The following COL24A1 variants were observed in gnomAD, a reference collection of about 807,000 sequenced individuals.
The protein encoded by COL24A1 is collagen type XXIV alpha 1 chain, also known as collagen alpha-1(XXIV) chain.
Under a neutral mutation model 253.9 loss-of-function variants are expected in COL24A1, and 224 were observed. The observed-to-expected ratio is 0.88, with a 90% CI of 0.79 to 0.99. COL24A1 has a LOEUF of 0.99. Among genes scored for constraint, COL24A1 ranks in the 50% least tolerant of loss-of-function variants. COL24A1 has a pLI of 0.00. For synonymous variants in COL24A1, 685 were observed against 673.7 expected (o/e 1.02, Z -0.26); for missense variants, 2,131 against 2,068.5 (o/e 1.03, Z -0.59).
chr1:85,975,353 G>C (rs965443061), intron 20 of COL24A1, among the ~76,000 whole-genome samples: 1 of 152,052 alleles, frequency 6.6e-6, no homozygotes, highest in African/African-American at 2.4e-5. Context: ...CCAAAATACA[G>C]AATCAACATA....
chr1:85,801,471 G>A (rs548165972), intron 47 of COL24A1, among the ~76,000 whole-genome samples: 2 of 152,148 alleles, frequency 1.3e-5, no homozygotes, highest in Admixed American at 6.6e-5. Context: ...AAGTGGTTGG[G>A]TTATTCTCAA....
chr1:85,922,824 C>T (rs1171864883), intron 24 of COL24A1, among the ~76,000 whole-genome samples: 1 of 152,114 alleles, frequency 6.6e-6, no homozygotes, highest in Admixed American at 6.5e-5. Context: ...ACAATATTAA[C>T]CTTAAATGTA....
At chr1:85,855,473 TG>T (rs1429833178) in intron 37 of COL24A1, among the ~76,000 whole-genome samples, 4 of 152,150 alleles carry the variant, frequency 2.6e-5, no homozygotes, top group African/African-American at 9.7e-5. Flanking sequence ...GATGATCATG[TG>T]TTTTTTGTTT....
In COL24A1 at chr1:86,126,039, T is replaced by C. The variant is rs767066032; in HGVS notation, c.297A>G (p.Pro99=). ...YIETPFVKIL[P]VNLGQPFTIL... is the part of the protein sequence containing the mutation. ...TTGTAAACGGCTGCCCCAAGTTGAC[T>C]GGTAAAATTTTCACGAAAGGTGTCT... The change falls in exon 3 of 60, where the codon CCA becomes CCG. Residue 99 remains proline (P), a synonymous_variant. Coordinates refer to ENST00000370571, the MANE Select transcript of COL24A1 (RefSeq NM_152890.7). 5.6e-6 allele frequency: 9 copies of C among 1,613,556 alleles called. No individual in the cohort carries two copies. Among genetic ancestry groups the C allele is most frequent in the Admixed American group, 1.7e-5 (1 of 59,858 alleles).
intron 57 of COL24A1, among the ~76,000 whole-genome samples, chr1:85,739,049 A>C (rs1664342657): frequency 6.6e-6 from 1 of 152,172 alleles, no homozygotes; most frequent in East Asian, 1.9e-4. Flanking sequence ...AATACAGAAG[A>C]AAGGGGTGAA....
intron 24 of COL24A1, among the ~76,000 whole-genome samples, chr1:85,919,676 G>A (rs538103775): frequency 2.0e-4 from 30 of 152,202 alleles, no homozygotes; most frequent in African/African-American, 6.0e-4. Context: ...GTGAGACCCT[G>A]TCTCTTAAAA....
intron 2 of COL24A1, among the ~76,000 whole-genome samples, chr1:86,145,190 A>G (rs1006452333): frequency 2.0e-5 from 3 of 152,036 alleles, no homozygotes; most frequent in Non-Finnish European, 2.9e-5. Context: ...TTTCATTCAT[A>G]ATTTGTTTAC....
At chr1:85,874,583 T>C in intron 35 of COL24A1, 66 bp downstream of exon 35, 1 of 1,414,944 alleles carries the variant, frequency 7.1e-7, no homozygotes, top group Non-Finnish European at 9.8e-7. Flanking sequence ...GTGTTTCGAA[T>C]AATAAGTTTT....
intron 7 of COL24A1, among the ~76,000 whole-genome samples, chr1:86,068,336 A>C (rs1701639776): frequency 6.6e-6 from 1 of 152,212 alleles, no homozygotes; most frequent in Non-Finnish European, 1.5e-5. Flanking sequence ...GTGTGGAGAG[A>C]GAATCTGTGC....
intron 18 of COL24A1, among the ~76,000 whole-genome samples, chr1:86,018,380 T>G (rs906368490): frequency 2.0e-5 from 3 of 152,140 alleles, no homozygotes; most frequent in African/African-American, 7.2e-5. Context: ...CCTTTCCAAA[T>G]AAACAAAAAC....
chr1:85,847,794 G>A (rs374915448), intron 38 of COL24A1, 22 bp from the exon 39 acceptor site: 1 of 1,550,736 alleles, frequency 6.4e-7, no homozygotes, highest in Non-Finnish European at 8.9e-7. Context: ...ATTATTAAGA[G>A]AGAAAAGCAA....
At chr1:86,081,330 T>C (rs1424162111) in intron 7 of COL24A1, among the ~76,000 whole-genome samples, 1 of 151,756 alleles carries the variant, frequency 6.6e-6, no homozygotes, top group African/African-American at 2.4e-5. Flanking sequence ...TTTTTGAAAG[T>C]GTCACTTCCT....
intron 43 of COL24A1, among the ~76,000 whole-genome samples, chr1:85,831,203 C>G (rs1159832823): frequency 6.6e-6 from 1 of 152,020 alleles, no homozygotes; most frequent in Non-Finnish European, 1.5e-5. Flanking sequence ...TCTGGTCAAT[C>G]AAGACGGAGT....
chr1:85,907,328 T>A, intron 27 of COL24A1, 81 bp from the exon 28 acceptor site: 1 of 1,157,408 alleles, frequency 8.6e-7, no homozygotes. Context: ...TCTTATAACA[T>A]ATATCCTTCT....
chr1:85,956,794 G>T (rs927507187), intron 24 of COL24A1, among the ~76,000 whole-genome samples: 3 of 152,096 alleles, frequency 2.0e-5, no homozygotes, highest in Non-Finnish European at 4.4e-5. Flanking sequence ...CAGGTAAAAG[G>T]CTTGCTTGAT....
chr1:85,735,937 G>A (rs1664002400), intron 58 of COL24A1, among the ~76,000 whole-genome samples: 1 of 151,566 alleles, frequency 6.6e-6, no homozygotes, highest in South Asian at 2.1e-4. Context: ...CAAAATGAGA[G>A]GAAAGGCAAA....
intron 37 of COL24A1, among the ~76,000 whole-genome samples, chr1:85,857,822 A>G (rs1678628577): frequency 1.3e-5 from 2 of 152,118 alleles, no homozygotes; most frequent in Admixed American, 1.3e-4. Context: ...CCGCAACCCC[A>G]ATGCATTCCA....
intron 19 of COL24A1, among the ~76,000 whole-genome samples, chr1:85,994,110 T>A (rs944750791): frequency 6.6e-6 from 1 of 151,916 alleles, no homozygotes; most frequent in Non-Finnish European, 1.5e-5. Context: ...CACAGCATAG[T>A]TTGGCTTAAA....
intron 32 of COL24A1, among the ~76,000 whole-genome samples, chr1:85,880,630 T>G (rs1202449954): frequency 1.3e-5 from 2 of 152,188 alleles, no homozygotes; most frequent in East Asian, 3.8e-4. Flanking sequence ...GTATCTAGTT[T>G]TCTCACCAGT....
Sources: gnomAD v4.1 joint callset for allele counts (sites outside exome capture counted in the v4.1 genomes callset) on GRCh38, gnomAD v4.1.1 for gene constraint, MANE v1.5 for transcripts, NCBI Gene and HGNC (gene_info 2026-07-23, HGNC 2026-07-21) for gene names.